Variants in DNAH1 observed in about 807,000 individuals in gnomAD.
The protein encoded by DNAH1 is axonemal beta dynein heavy chain 1.
DNAH1 carries 327 observed loss-of-function variants against 484.3 expected under a neutral mutation model. The observed-to-expected ratio is 0.68, with a 90% CI of 0.62 to 0.74. The LOEUF is 0.74. Among genes scored for constraint, DNAH1 ranks in the 30% least tolerant of loss-of-function variants. The pLI is 0.00. For synonymous variants in DNAH1, 2,192 were observed against 2,191.9 expected, an observed-to-expected ratio of 1.00 and a Z score of 0.00; for missense variants, 5,052 against 5,546.8, an observed-to-expected ratio of 0.91 and a Z score of 2.83.
Position 52,399,220 on chromosome 3 carries a change from C to A in DNAH1, c.12441+19C>A. 6.3e-7 allele frequency: 1 copy of A among 1,584,882 alleles called. No individual in the cohort carries two copies. On this transcript the variant is annotated intron_variant, in intron 76 of 77. Transcript: ENST00000420323. Reference sequence around the variant, plus strand: ...TTTCAAGGTCTGGGCACAGCCAGGGCCAGGTCAGGTGACAGGCTAGGGTAC... The same window carrying A: ...TTTCAAGGTCTGGGCACAGCCAGGGACAGGTCAGGTGACAGGCTAGGGTAC...
At chr3:52,373,641 C>A (rs1578165923) in intron 44 of DNAH1, 2 of 1,424,992 alleles carry the variant, frequency 1.4e-6, no homozygotes, top group East Asian at 4.5e-5. Context: ...TCAAAAACTA[C>A]CATCCTTAAA....
At position 52,378,623 on chromosome 3, in the gene DNAH1, A is replaced by G; in HGVS notation, c.7220A>G (p.His2407Arg). 1 of 1,613,458 alleles carries G rather than the reference A, an allele frequency of 6.2e-7. No individual in the cohort carries two copies. Among genetic ancestry groups the G allele is most frequent in the Non-Finnish European group, 8.5e-7 (1 of 1,179,774 alleles). ...ERVPGAPHIAHFTEPLVEATI... is the reference protein window; with the variant it reads ...ERVPGAPHIARFTEPLVEATI... Reference sequence around the variant, plus strand: ...CCAGCTGGGGCCCCCCACATTGCCCACTTCACGGAGCCCCTTGTGGAAGCC... The same window carrying G: ...CCAGCTGGGGCCCCCCACATTGCCCGCTTCACGGAGCCCCTTGTGGAAGCC... The change falls in exon 47 of 78, where the codon CAC becomes CGC. Residue 2407 changes from histidine (H) to arginine (R), a missense_variant. Around this residue, in one of 4 missense-constraint regions of DNAH1, gnomAD observed 2,929 missense variants for 3,409.4 expected, o/e 0.86. Coordinates refer to ENST00000420323, the MANE Select transcript of DNAH1 (RefSeq NM_015512.5).
chr3:52,343,920 G>C (rs146628333), intron 8 of DNAH1, among the ~76,000 whole-genome samples: 94 of 152,262 alleles, frequency 6.2e-4, no homozygotes, highest in Non-Finnish European at 1.2e-3. Flanking sequence ...ATGTGAGGAC[G>C]GGGGAGATGG....
Position 52,355,571 on chromosome 3 carries a change from C to T in DNAH1, c.3693+516C>T, listed in dbSNP as rs1053337823. Reference sequence around the variant, plus strand: ...AGAGGCAAGGGCTGCCCACAGAGCCCTGGAGGGCAGTCCCGGGGCCAGCCT... The same window carrying T: ...AGAGGCAAGGGCTGCCCACAGAGCCTTGGAGGGCAGTCCCGGGGCCAGCCT... On this transcript the variant is annotated intron_variant, in intron 21 of 77. Coordinates refer to ENST00000420323, the MANE Select transcript of DNAH1 (RefSeq NM_015512.5). This position sits in a 1 kb window ranked among gnomAD's most constrained non-coding sequence, Gnocchi z 4.5. 1.3e-5 allele frequency among the ~76,000 whole-genome samples: 2 copies of T among 152,252 alleles called. No individual in the cohort carries two copies. The highest frequency in any genetic ancestry group is 4.8e-5 in the African/African-American group (2 of 41,474).
In DNAH1 at chr3:52,391,204, T is replaced by G; in HGVS notation, c.9767T>G (p.Phe3256Cys). ...NMEKDNGLDV[F>C]KLSDRDFLRS... ...GAGAAGGACAATGGGCTGGATGTGT[T>G]CAAGTTGAGTGACCGCGACTTCCTG... The change falls in exon 62 of 78, where the codon TTC (phenylalanine) becomes TGC (cysteine). Residue 3256 changes from phenylalanine (F) to cysteine (C), a missense_variant. Phe to Cys is a radical substitution (Grantham distance 205). Transcript: ENST00000420323. The G allele has an allele frequency of 6.2e-7, 1 of 1,613,950 alleles. No homozygotes were observed. The highest frequency in any genetic ancestry group is 1.3e-5 in the African/African-American group (1 of 75,050).
chr3:52,382,329 C>T lies in DNAH1; in HGVS notation c.7815C>T (p.Tyr2605=), dbSNP rs764179591. 7.4e-6 allele frequency: 12 copies of T among 1,613,870 alleles called. No individual in the cohort carries two copies. The highest frequency in any genetic ancestry group is 4.0e-5 in the African/African-American group (3 of 74,918). Residue 2605 remains tyrosine (Y), a synonymous_variant, in exon 50 of 78, where the codon TAC becomes TAT. Coordinates refer to ENST00000420323, the MANE Select transcript of DNAH1 (RefSeq NM_015512.5). ...AAACTTCTGCCTCCAGGGCCGAGTA[C>T]GAGTGCTTCCAGATTGAACTATCCA... The part of the protein sequence containing the change: ...LTRLASHMAE[Y]ECFQIELSKN...
chr3:52,389,649 G>A, intron 60 of DNAH1, 63 bp downstream of exon 60: 1 of 1,285,932 alleles, frequency 7.8e-7, no homozygotes, highest in African/African-American at 1.5e-5. Context: ...GCTGGGCCAG[G>A]AGCCTTCTGC....
rs371686959 is a variant in DNAH1 at position 52,372,283 on chromosome 3, C to G, written c.6723C>G (p.Leu2241=). 2.0e-5 allele frequency: 33 copies of G among 1,614,012 alleles called. No homozygotes were observed. The East Asian group carries it at 3.6e-4, about 17-fold the overall frequency. ...TGKTLTISDK[L]LKNLALDYIS... is the part of the protein sequence containing the mutation. ...AGACGCTCACCATCTCTGACAAGCTCCTCAAGAACCTGGCACTGGATTACA... is the reference window on the plus strand; with the variant it reads ...AGACGCTCACCATCTCTGACAAGCTGCTCAAGAACCTGGCACTGGATTACA... The change falls in exon 43 of 78, where the codon CTC becomes CTG. Residue 2241 remains leucine, a synonymous_variant. Transcript: ENST00000420323.
intron 12 of DNAH1, among the ~76,000 whole-genome samples, 179 bp from the exon 13 acceptor site, chr3:52,348,709 A>G (rs1303681913): frequency 6.6e-6 from 1 of 152,168 alleles, no homozygotes. Flanking sequence ...ACAGCACAGC[A>G]AACCCCCTTC....
In DNAH1 at chr3:52,332,532, A is replaced by G. The variant is rs1701596383; in HGVS notation, c.1286+138A>G. Reference sequence around the variant, plus strand: ...GACTGTCCTGGCTATTGCCCTCTGGACTTGTTGGGGCCTCAAACAATTTTT... The same window carrying G: ...GACTGTCCTGGCTATTGCCCTCTGGGCTTGTTGGGGCCTCAAACAATTTTT... On this transcript the variant is annotated intron_variant, in intron 8 of 77. Coordinates refer to ENST00000420323, the MANE Select transcript of DNAH1 (RefSeq NM_015512.5). 6.9e-6 allele frequency: 9 copies of G among 1,307,578 alleles called. No individual in the cohort carries two copies. The South Asian group carries it at 1.2e-4, about 18-fold the overall frequency. 81.0% of individuals were successfully genotyped at this position (1,307,578 alleles called of 1,614,324 possible).
rs1704385999 is a variant in DNAH1, at chr3:52,391,548, T to C, written c.9997T>C (p.Tyr3333His). Residue 3333 changes from tyrosine to histidine, a missense_variant, in exon 63 of 78, where the codon TAC becomes CAC. Around this residue, in one of 4 missense-constraint regions of DNAH1, gnomAD observed 2,929 missense variants for 3,409.4 expected, o/e 0.86. Transcript: ENST00000420323. ...CACCACCAAGCTGCCCAACCCACAC[T>C]ACACGCCCGAGATCTCCACCAAACT... ...YITTKLPNPHYTPEISTKLTL... is the reference protein window; with the variant it reads ...YITTKLPNPHHTPEISTKLTL... 6.7e-7 allele frequency: 1 copy of C among 1,496,604 alleles called. No individual in the cohort carries two copies. The highest frequency in any genetic ancestry group is 8.9e-7 in the Non-Finnish European group (1 of 1,120,170). 92.7% of individuals were successfully genotyped at this position (1,496,604 alleles called of 1,614,324 possible).
Position 52,366,897 on chromosome 3 carries a change from C to A in DNAH1, c.5765+10C>A. 1 of 1,600,644 alleles carries A rather than the reference C, an allele frequency of 6.2e-7. No individual in the cohort carries two copies. The highest frequency in any genetic ancestry group is 8.5e-7 in the Non-Finnish European group (1 of 1,170,050). On this transcript the variant is annotated intron_variant, in intron 36 of 77. Transcript: ENST00000420323. ...TCCTCACCCATGAGTGGTGAGTGACCCCCCAGCCTCACCGGTGACCCCCTG... is the reference window on the plus strand; with the variant it reads ...TCCTCACCCATGAGTGGTGAGTGACACCCCAGCCTCACCGGTGACCCCCTG...
rs1446026036 is a variant in DNAH1 at position 52,353,251 on chromosome 3, A to T, written c.3176A>T (p.Glu1059Val). 1.9e-6 allele frequency: 3 copies of T among 1,613,976 alleles called. No homozygotes were observed. Among genetic ancestry groups the T allele is most frequent in the Non-Finnish European group, 2.5e-6 (3 of 1,179,892 alleles). Residue 1059 changes from glutamate to valine, a missense_variant, in exon 19 of 78, where the codon GAA becomes GTA. Physicochemically the swap from Glu to Val is moderately radical, Grantham distance 121. Transcript: ENST00000420323. This position sits in a 1 kb window ranked among gnomAD's most constrained non-coding sequence, Gnocchi z 5.0. The stretch of plus-strand genomic sequence containing the variant: ...GAGCAGCTGGAGAAGAACGTGGTTG[A>T]AGCCTTCAAGACCATGCACAAGTGC... The part of the protein sequence containing the change: ...DAEQLEKNVV[E>V]AFKTMHKCVK...
chr3:52,392,110 C>A (rs1028560060), intron 63 of DNAH1, among the ~76,000 whole-genome samples: 1 of 152,250 alleles, frequency 6.6e-6, no homozygotes, highest in African/African-American at 2.4e-5. Context: ...TCAGTGTGAA[C>A]CTCTCCACAA....
At chr3:52,320,056 G>C (rs570536351) in intron 1 of DNAH1, among the ~76,000 whole-genome samples, 1 of 152,192 alleles carries the variant, frequency 6.6e-6, no homozygotes, top group South Asian at 2.1e-4. Flanking sequence ...AGCAAACCAA[G>C]CATGTAAGCA....
At chr3:52,399,473 G>A in intron 76 of DNAH1, 72 bp from the exon 77 acceptor site, 4 of 1,332,304 alleles carry the variant, frequency 3.0e-6, no homozygotes, top group East Asian at 2.5e-5. Context: ...CTCTCAGAAG[G>A]GAGTTTTGTG....
At chr3:52,326,597 C>A in intron 4 of DNAH1, 138 bp from the exon 5 acceptor site, 1 of 1,130,724 alleles carries the variant, frequency 8.8e-7, no homozygotes, top group Non-Finnish European at 1.2e-6. Context: ...CCTGATGAGT[C>A]TCAGAGGGGT....
chr3:52,366,852 G>T lies in DNAH1; in HGVS notation c.5730G>T (p.Gln1910His), dbSNP rs1703098865. ...VLNPKSITMG[Q>H]LYGEFDLLTH... ...ACCCCAAGTCCATCACGATGGGCCA[G>T]CTGTACGGGGAGTTTGACCTCCTCA... The change falls in exon 36 of 78, where the codon CAG (glutamine) becomes CAT (histidine). Residue 1910 changes from glutamine (Q) to histidine (H), a missense_variant. Transcript: ENST00000420323. The T allele has an allele frequency of 6.2e-7, 1 of 1,613,882 alleles. No homozygotes were observed. The highest frequency in any genetic ancestry group is 8.5e-7 in the Non-Finnish European group (1 of 1,179,810).
chr3:52,359,489 G>A, intron 26 of DNAH1, 103 bp downstream of exon 26: 1 of 1,465,128 alleles, frequency 6.8e-7, no homozygotes, highest in Admixed American at 2.2e-5. Context: ...CCTGGAAGAG[G>A]CCTGGGGTTG....
Sources: allele counts gnomAD v4.1 joint callset (sites outside exome capture counted in the v4.1 genomes callset), GRCh38; gene constraint gnomAD v4.1.1; regional missense constraint gnomAD v4.1.1; non-coding constraint Gnocchi (gnomAD v3.1); transcripts MANE v1.5; gene names NCBI Gene and HGNC (gene_info 2026-07-23, HGNC 2026-07-21).